CCR1: variants seen among roughly 807,000 people sequenced by gnomAD.
CCR1 encodes C-C chemokine receptor type 1.
A neutral mutation model predicts 0.3 loss-of-function variants in CCR1; 1 was observed. The ratio of observed to expected loss-of-function variants is 3.70; its 90% confidence interval spans 1.31 to 17.54. The LOEUF (loss-of-function observed/expected upper bound fraction) is 17.54. CCR1 is among the 30% of genes most tolerant of loss of function. The probability of loss-of-function intolerance (pLI) is 0.11; values close to 1 mark genes in which losing one functional copy is unlikely to be tolerated. For synonymous variants in CCR1, 207 were observed against 182.5 expected (o/e 1.13, Z -1.08); for missense variants, 349 against 435.4 (o/e 0.80, Z 1.77).
intron 1 of CCR1, among the ~76,000 whole-genome samples, chr3:46,206,279 T>C (rs1559520828): frequency 6.6e-6 from 1 of 152,168 alleles, no homozygotes; most frequent in Non-Finnish European, 1.5e-5. Context: ...GAAAGGGAGA[T>C]ACTCTATTAG....
rs766067706 is a variant in CCR1 at position 46,204,269 on chromosome 3, C to T, written c.45G>A (p.Glu15=). ...NTTEDYDTTT[E]FDYGDATPCQ... is the part of the protein sequence containing the mutation. The stretch of plus-strand genomic sequence containing the variant: ...ACGGAGTTGCATCCCCATAGTCAAA[C>T]TCTGTGGTCGTGTCATAGTCCTCTG... Residue 15 remains glutamate, a synonymous_variant, in exon 2 of 2, where the codon GAG becomes GAA. Transcript: ENST00000296140. 1.2e-6 allele frequency: 2 copies of T among 1,612,402 alleles called. No individual in the cohort carries two copies. Among genetic ancestry groups the T allele is most frequent in the Non-Finnish European group, 1.7e-6 (2 of 1,179,318 alleles).
chr3:46,207,648 AT>A (rs5848784), intron 1 of CCR1, among the ~76,000 whole-genome samples: 89,538 of 145,366 alleles, frequency 0.62, 27,706 homozygotes, highest in East Asian at 0.87. Context: ...TTGGCAAGCA[AT>A]TTTTTTTTTT....
chr3:46,206,350 T>C (rs772631883), intron 1 of CCR1, among the ~76,000 whole-genome samples: 29 of 152,158 alleles, frequency 1.9e-4, no homozygotes, highest in African/African-American at 3.1e-4. Flanking sequence ...CTCCTCCATC[T>C]CCAGAGAGAT....
rs202098591 is a variant in CCR1, at chr3:46,203,375, C to T, written c.939G>A (p.Arg313=). The change falls in exon 2 of 2, where the codon CGG becomes CGA. Residue 313 remains arginine, a synonymous_variant. Coordinates refer to ENST00000296140, the MANE Select transcript of CCR1 (RefSeq NM_001295.3). The surrounding 1 kb of genome is among the most constrained non-coding windows in gnomAD (Gnocchi z 4.5). ...FVGERFRKYL[R]QLFHRRVAVH... ...CAGCCACACGCCTGTGGAACAACTGCCGCAGGTACTTCCGGAACCTCTCAC... is the reference window on the plus strand; with the variant it reads ...CAGCCACACGCCTGTGGAACAACTGTCGCAGGTACTTCCGGAACCTCTCAC... The T allele has an allele frequency of 4.4e-5, 71 of 1,614,046 alleles. No homozygotes were observed. Among genetic ancestry groups the T allele is most frequent in the Non-Finnish European group, 5.6e-5 (66 of 1,180,020 alleles).
rs146268408 is a variant in CCR1, at chr3:46,203,876, G to A, written c.438C>T (p.Thr146=). The A allele has an allele frequency of 9.6e-4, 1,548 of 1,614,170 alleles. 5 individuals are homozygous for A. Among genetic ancestry groups the A allele is most frequent in the Non-Finnish European group, 1.2e-3 (1,383 of 1,180,022 alleles). Reference sequence around the variant, plus strand: ...TGCTGGTGATGACACCAAAAGTGACGGTCCGTGCCCGCAAGGCAAACACGG... The same window carrying A: ...TGCTGGTGATGACACCAAAAGTGACAGTCCGTGCCCGCAAGGCAAACACGG... ...VHAVFALRAR[T]VTFGVITSII... is the part of the protein sequence containing the mutation. The change falls in exon 2 of 2, where the codon ACC becomes ACT. Residue 146 remains threonine (T), a synonymous_variant. Transcript: ENST00000296140. This position sits in a 1 kb window ranked among gnomAD's most constrained non-coding sequence, Gnocchi z 4.5.
chr3:46,203,039 T>C lies in CCR1; in HGVS notation c.*207A>G. 1 of 528,182 alleles carries C rather than the reference T, an allele frequency of 1.9e-6. No homozygotes were observed. Among genetic ancestry groups the C allele is most frequent in the South Asian group, 3.0e-5 (1 of 33,312 alleles). 32.7% of individuals were successfully genotyped at this position (528,182 alleles called of 1,614,324 possible). ...TTTGGTTTTGCTCATTCATCTTCTT[T>C]CTACCAGGGGAGAAGTTCATGGAAA... On this transcript the variant is annotated 3_prime_UTR_variant, in exon 2 of 2. Coordinates refer to ENST00000296140, the MANE Select transcript of CCR1 (RefSeq NM_001295.3). The surrounding 1 kb of genome is among the most constrained non-coding windows in gnomAD (Gnocchi z 4.5).
At position 46,203,357 on chromosome 3, in the gene CCR1, A is replaced by G; in HGVS notation, c.957T>C (p.Arg319=). The stretch of plus-strand genomic sequence containing the variant: ...GCCATTTAACCAGGTGCACAGCCAC[A>G]CGCCTGTGGAACAACTGCCGCAGGT... The part of the protein sequence containing the change: ...RKYLRQLFHR[R]VAVHLVKWLP... Residue 319 remains arginine (R), a synonymous_variant, in exon 2 of 2, where the codon CGT becomes CGC. Coordinates refer to ENST00000296140, the MANE Select transcript of CCR1 (RefSeq NM_001295.3). This position sits in a 1 kb window ranked among gnomAD's most constrained non-coding sequence, Gnocchi z 4.5. 6.2e-7 allele frequency: 1 copy of G among 1,614,142 alleles called. No individual in the cohort carries two copies. Among genetic ancestry groups the G allele is most frequent in the Non-Finnish European group, 8.5e-7 (1 of 1,180,010 alleles).
intron 1 of CCR1, among the ~76,000 whole-genome samples, chr3:46,205,018 A>C (rs1699634359): frequency 6.6e-6 from 1 of 152,210 alleles, no homozygotes; most frequent in African/African-American, 2.4e-5. Flanking sequence ...AGAGTGACCT[A>C]GTACCCTTGG....
Position 46,204,335 on chromosome 3 carries a change from A to C in CCR1, c.-11-11T>G. ...CCATCCCGGCTTCTCCTACAGGTTA[A>C]AAAAAAAAAAAAGATTTGTCTTTAC... is the stretch of plus-strand genomic sequence containing the variant. On this transcript the variant is annotated splice_polypyrimidine_tract_variant and intron_variant, in intron 1 of 1. Transcript: ENST00000296140. The C allele has an allele frequency of 1.3e-6, 1 of 753,330 alleles. No homozygotes were observed. The highest frequency in any genetic ancestry group is 3.3e-5 in the South Asian group (1 of 30,558). The allele number at this position is 753,330 out of a possible 1,614,324, so 46.7% of individuals were successfully genotyped here.
At chr3:46,207,165 C>A (rs1041657223) in intron 1 of CCR1, among the ~76,000 whole-genome samples, 1 of 152,162 alleles carries the variant, frequency 6.6e-6, no homozygotes, top group African/African-American at 2.4e-5. Flanking sequence ...ACCAGCACAT[C>A]ACTGCCCAGG....
At chr3:46,208,031 C>A (rs1416062922) in intron 1 of CCR1, among the ~76,000 whole-genome samples, 1 of 152,178 alleles carries the variant, frequency 6.6e-6, no homozygotes, top group Non-Finnish European at 1.5e-5. Flanking sequence ...AAAGCCAATC[C>A]TTCAAGTAAG....
At position 46,204,333 on chromosome 3, in the gene CCR1, TAAA is replaced by T. The variant is rs58092235; in HGVS notation, c.-11-12_-11-10del. ...TTCCATCCCGGCTTCTCCTACAGGT[TAAA>T]AAAAAAAAAAAGATTTGTCTTTACT... On this transcript the variant is annotated splice_polypyrimidine_tract_variant and intron_variant, in intron 1 of 1. Transcript: ENST00000296140. 1,769 of 1,283,102 alleles carry T rather than the reference TAAA, an allele frequency of 1.4e-3. No individual in the cohort carries two copies. The highest frequency in any genetic ancestry group is 9.7e-3 in the African/African-American group (622 of 64,368). 79.5% of individuals were successfully genotyped at this position (1,283,102 alleles called of 1,614,324 possible). A position where few individuals can be genotyped will look rare whatever the true frequency, so the allele number is the denominator to read the frequency against.
intron 1 of CCR1, among the ~76,000 whole-genome samples, chr3:46,205,732 T>C (rs1198461973): frequency 6.6e-5 from 10 of 152,176 alleles, no homozygotes; most frequent in South Asian, 2.1e-4. Context: ...AGGTAATGTA[T>C]GAGAAAAGTG....
chr3:46,203,815 G>T lies in CCR1; in HGVS notation c.499C>A (p.Pro167Thr), dbSNP rs777100916. 6.2e-7 allele frequency: 1 copy of T among 1,614,200 alleles called. No homozygotes were observed. The highest frequency in any genetic ancestry group is 8.5e-7 in the Non-Finnish European group (1 of 1,180,032). ...IWALAILASM[P>T]GLYFSKTQWE... ...TGGGTCTTGGAAAAGTATAAGCCTG[G>T]CATGGAAGCCAAGATGGCCAGGGCC... The change falls in exon 2 of 2, where the codon CCA becomes ACA. Residue 167 changes from proline to threonine, a missense_variant. Coordinates refer to ENST00000296140, the MANE Select transcript of CCR1 (RefSeq NM_001295.3). This position sits in a 1 kb window ranked among gnomAD's most constrained non-coding sequence, Gnocchi z 4.5.
At position 46,203,470 on chromosome 3, in the gene CCR1, C is replaced by T. The variant is rs1419201949; in HGVS notation, c.844G>A (p.Ala282Thr). Residue 282 changes from alanine to threonine, a missense_variant, in exon 2 of 2, where the codon GCT (alanine) becomes ACT (threonine). Coordinates refer to ENST00000296140, the MANE Select transcript of CCR1 (RefSeq NM_001295.3). The surrounding 1 kb of genome is among the most constrained non-coding windows in gnomAD (Gnocchi z 4.5). ...ECEQSRHLDL[A>T]VQVTEVIAYT... Reference sequence around the variant, plus strand: ...GCGATCACCTCCGTCACTTGCACAGCCAGGTCCAAATGTCTGCTCTGCTCA... The same window carrying T: ...GCGATCACCTCCGTCACTTGCACAGTCAGGTCCAAATGTCTGCTCTGCTCA... 7 of 1,614,108 alleles carry T rather than the reference C, an allele frequency of 4.3e-6. No homozygotes were observed. The highest frequency in any genetic ancestry group is 5.9e-6 in the Non-Finnish European group (7 of 1,180,008).
intron 1 of CCR1, among the ~76,000 whole-genome samples, chr3:46,204,978 T>C (rs1012718348): frequency 2.8e-4 from 43 of 152,332 alleles, no homozygotes; most frequent in Admixed American, 2.5e-3. Context: ...CAGATATTCA[T>C]GGCTTTTGGT....
chr3:46,203,209 C>A lies in CCR1; in HGVS notation c.*37G>T. ...CTGGCTCAGTGTGCCTGGCAGGTCA[C>A]GCCTGCTTATTTTGGGTTGGCCTCC... On this transcript the variant is annotated 3_prime_UTR_variant, in exon 2 of 2. Coordinates refer to ENST00000296140, the MANE Select transcript of CCR1 (RefSeq NM_001295.3). This position sits in a 1 kb window ranked among gnomAD's most constrained non-coding sequence, Gnocchi z 4.5. 6.6e-7 allele frequency: 1 copy of A among 1,505,922 alleles called. No homozygotes were observed. The highest frequency in any genetic ancestry group is 9.1e-7 in the Non-Finnish European group (1 of 1,094,394). The allele number at this position is 1,505,922 out of a possible 1,614,324, so 93.3% of individuals were successfully genotyped here.
chr3:46,205,581 T>G (rs1230673815), intron 1 of CCR1, among the ~76,000 whole-genome samples: 3 of 152,230 alleles, frequency 2.0e-5, no homozygotes, highest in Admixed American at 1.3e-4. Context: ...AGTTGCTTAT[T>G]AAAGATGCCT....
rs201814844 is a variant in CCR1, at chr3:46,201,731, A to G, written c.*1515T>C. On this transcript the variant is annotated 3_prime_UTR_variant, in exon 2 of 2. Coordinates refer to ENST00000296140, the MANE Select transcript of CCR1 (RefSeq NM_001295.3). ...AACAATGCTTTGAAATGATTTATTC[A>G]CCTGGGAAAGTGATCACAACTTGCT... 4 of 152,222 alleles carry G rather than the reference A, an allele frequency of 2.6e-5. No homozygotes were observed. The highest frequency in any genetic ancestry group is 5.9e-5 in the Non-Finnish European group (4 of 68,042). The allele number at this position is 152,222 out of a possible 1,614,324, so 9.4% of individuals were successfully genotyped here. A position where few individuals can be genotyped will look rare whatever the true frequency, so the allele number is the denominator to read the frequency against.
Sources: allele counts gnomAD v4.1 joint callset (sites outside exome capture counted in the v4.1 genomes callset), GRCh38; gene constraint gnomAD v4.1.1; non-coding constraint Gnocchi (gnomAD v3.1); transcripts MANE v1.5; gene names NCBI Gene and HGNC (gene_info 2026-07-23, HGNC 2026-07-21).